Variants in NPAS3 observed in about 807,000 individuals in gnomAD.
NPAS3 encodes neuronal PAS domain-containing protein 3.
Under a neutral mutation model 73.1 loss-of-function variants are expected in NPAS3, and 14 were observed. That is an observed-to-expected ratio of 0.19 (90% CI 0.13 to 0.30). NPAS3 has a LOEUF of 0.30. NPAS3 is among the 10% of genes least tolerant of loss of function. NPAS3 has a pLI of 1.00. For synonymous variants in NPAS3, 620 were observed against 541.5 expected (o/e 1.14, Z -2.01); for missense variants, 1,096 against 1,250.0 (o/e 0.88, Z 1.86).
intron 4 of NPAS3, among the ~76,000 whole-genome samples, chr14:33,393,675 C>G (rs71419944): frequency 2.0e-5 from 3 of 151,942 alleles, no homozygotes; most frequent in Non-Finnish European, 4.4e-5. Context: ...AAAGAAGGGC[C>G]CCTTGCTTGT....
At chr14:33,088,218 G>A (rs755972354) in intron 2 of NPAS3, among the ~76,000 whole-genome samples, 20 of 152,300 alleles carry the variant, frequency 1.3e-4, no homozygotes, top group East Asian at 5.8e-4. Flanking sequence ...CCCACTCAGC[G>A]TGAGCTGAAG....
At chr14:33,022,121 T>C (rs1004811718) in intron 1 of NPAS3, among the ~76,000 whole-genome samples, 14 of 152,176 alleles carry the variant, frequency 9.2e-5, no homozygotes, top group African/African-American at 3.4e-4. Flanking sequence ...TGTTGAACCA[T>C]GTCAGAGGAA....
intron 7 of NPAS3, among the ~76,000 whole-genome samples, chr14:33,759,270 TG>T (rs2062210035): frequency 6.6e-6 from 1 of 152,234 alleles, no homozygotes; most frequent in Admixed American, 6.5e-5. Flanking sequence ...TTTGGGAAAG[TG>T]TGCCACCCAC....
rs538718820 is a variant in NPAS3 at position 33,529,601 on chromosome 14, T to TA, written c.469-30517dup. The stretch of plus-strand genomic sequence containing the variant: ...TGTGTTGTTAAAGTAATGGGCATCC[T>TA]AAAGAGACAAGAAATATTTTTTTTC... On this transcript the variant is annotated intron_variant, in intron 4 of 11. Transcript: ENST00000356141. Among the ~76,000 whole-genome samples, 23 of 152,228 alleles carry TA rather than the reference T, an allele frequency of 1.5e-4. No individual in the cohort carries two copies. The South Asian group carries it at 4.6e-3, about 30-fold the overall frequency.
intron 1 of NPAS3, among the ~76,000 whole-genome samples, chr14:32,973,073 A>G (rs2037505401): frequency 6.6e-6 from 1 of 152,144 alleles, no homozygotes; most frequent in Admixed American, 6.5e-5. Context: ...GGGTGGGGAA[A>G]ATGATTTTGG....
chr14:32,989,488 C>CA (rs1439316120), intron 1 of NPAS3, among the ~76,000 whole-genome samples: 15 of 152,076 alleles, frequency 9.9e-5, no homozygotes, highest in South Asian at 6.2e-4. Flanking sequence ...ACTAAAAATA[C>CA]AAAAAATTAG....
chr14:33,578,932 A>G (rs1373669749), intron 5 of NPAS3, among the ~76,000 whole-genome samples: 1 of 152,268 alleles, frequency 6.6e-6, no homozygotes, highest in Non-Finnish European at 1.5e-5. Context: ...CATAGCAGGA[A>G]GTAGAAATGA....
At chr14:33,407,935 A>G (rs1484736369) in intron 4 of NPAS3, among the ~76,000 whole-genome samples, 7 of 152,208 alleles carry the variant, frequency 4.6e-5, no homozygotes, top group African/African-American at 1.7e-4. Context: ...GTAGGTGGCT[A>G]AAATGAATAG....
chr14:33,681,131 A>G (rs1459612975), intron 6 of NPAS3: 1 of 152,906 alleles, frequency 6.5e-6, no homozygotes, highest in South Asian at 2.1e-4. Flanking sequence ...TGATTTTCAC[A>G]GTAAGCGGTA....
chr14:33,136,963 G>A (rs1244656412), intron 2 of NPAS3, among the ~76,000 whole-genome samples: 2 of 152,016 alleles, frequency 1.3e-5, no homozygotes, highest in East Asian at 3.9e-4. Flanking sequence ...TTTTCTTCGT[G>A]GCCATTGATT....
intron 3 of NPAS3, among the ~76,000 whole-genome samples, chr14:33,249,786 T>C (rs1043357411): frequency 1.3e-5 from 2 of 152,130 alleles, no homozygotes; most frequent in African/African-American, 2.4e-5. Context: ...CAGCAAATAA[T>C]GGATACATTT....
At chr14:33,221,865 T>C (rs1387546039) in intron 3 of NPAS3, among the ~76,000 whole-genome samples, 1 of 152,088 alleles carries the variant, frequency 6.6e-6, no homozygotes, top group Non-Finnish European at 1.5e-5. Context: ...TAATAACTTT[T>C]CCTCGCCTAT....
chr14:33,665,698 CA>C, intron 5 of NPAS3, among the ~76,000 whole-genome samples: 1 of 152,272 alleles, frequency 6.6e-6, no homozygotes, highest in East Asian at 1.9e-4. Flanking sequence ...AAAAAGTTGA[CA>C]TTCAAACCCA....
At chr14:33,763,066 T>G (rs1243233643) in intron 7 of NPAS3, among the ~76,000 whole-genome samples, 30 of 152,322 alleles carry the variant, frequency 2.0e-4, no homozygotes, top group Admixed American at 2.0e-3. Flanking sequence ...TAACTGGCCC[T>G]GCATCCTCGG....
At chr14:33,659,040 C>A (rs912187083) in intron 5 of NPAS3, among the ~76,000 whole-genome samples, 1 of 152,048 alleles carries the variant, frequency 6.6e-6, no homozygotes, top group Non-Finnish European at 1.5e-5. Flanking sequence ...ATTTCAATGC[C>A]GTTTTTTCAC....
At chr14:33,616,590 A>T (rs1482531861) in intron 5 of NPAS3, among the ~76,000 whole-genome samples, 2 of 152,146 alleles carry the variant, frequency 1.3e-5, no homozygotes, top group African/African-American at 4.8e-5. Context: ...TGAACATTTT[A>T]AAATGCTTGC....
At chr14:33,543,999 A>ATATCTATC (rs199685952) in intron 4 of NPAS3, among the ~76,000 whole-genome samples, 11 of 64,196 alleles carry the variant, frequency 1.7e-4, no homozygotes, top group South Asian at 1.4e-3. Flanking sequence ...ATATATATAT[A>ATATCTATC]TATCTATATC....
At chr14:33,050,213 A>G (rs2040654336) in intron 1 of NPAS3, among the ~76,000 whole-genome samples, 3 of 152,204 alleles carry the variant, frequency 2.0e-5, no homozygotes, top group African/African-American at 7.2e-5. Flanking sequence ...ACTACCATTG[A>G]CAAGAACTCA....
intron 4 of NPAS3, among the ~76,000 whole-genome samples, chr14:33,537,025 A>G (rs1223265465): frequency 6.6e-6 from 1 of 152,022 alleles, no homozygotes; most frequent in Non-Finnish European, 1.5e-5. Context: ...ATATTTTCAT[A>G]CTTCAGCAGT....
Sources: gnomAD v4.1 joint callset for allele counts (sites outside exome capture counted in the v4.1 genomes callset) on GRCh38, gnomAD v4.1.1 for gene constraint, MANE v1.5 for transcripts, NCBI Gene and HGNC (gene_info 2026-07-23, HGNC 2026-07-21) for gene names.